CFH: variants seen among roughly 807,000 people sequenced by gnomAD.
The protein encoded by CFH is complement factor H.
A neutral mutation model predicts 147.3 loss-of-function variants in CFH; 53 were observed. That is an observed-to-expected ratio of 0.36 (90% CI 0.29 to 0.45). The LOEUF (loss-of-function observed/expected upper bound fraction) is 0.45. CFH is among the 20% of genes least tolerant of loss of function. The pLI, the probability that CFH is intolerant of heterozygous loss-of-function variation, is 1.00. For missense variants in CFH, 1,380 were observed against 1,498.0 expected (o/e 0.92, Z 1.30); for synonymous variants, 536 against 489.4 (o/e 1.10, Z -1.26).
intron 11 of CFH, 25 bp downstream of exon 11, chr1:196,715,794 C>T: frequency 6.4e-7 from 1 of 1,566,454 alleles, no homozygotes; most frequent in Non-Finnish European, 8.7e-7. Flanking sequence ...TTCAGAAATT[C>T]ATTTTCAAAA....
intron 17 of CFH, 55 bp from the exon 18 acceptor site, chr1:196,740,564 A>G: frequency 1.3e-6 from 2 of 1,516,984 alleles, no homozygotes; most frequent in Non-Finnish European, 1.8e-6. Context: ...TAAAACAGGC[A>G]TATAAAATTA....
intron 15 of CFH, among the ~76,000 whole-genome samples, chr1:196,736,598 A>C (rs2149113003): frequency 6.6e-6 from 1 of 152,072 alleles, no homozygotes; most frequent in African/African-American, 2.4e-5. Flanking sequence ...ATGAGAATAC[A>C]AGCCAAAAGT....
At chr1:196,722,526 G>A (rs753249936) in intron 11 of CFH, among the ~76,000 whole-genome samples, 48 of 151,832 alleles carry the variant, frequency 3.2e-4, no homozygotes, top group Non-Finnish European at 3.5e-4. Flanking sequence ...AATTTTTCCC[G>A]TTCACATTGA....
intron 5 of CFH, 56 bp from the exon 6 acceptor site, chr1:196,679,567 G>T: frequency 7.7e-7 from 1 of 1,291,832 alleles, no homozygotes; most frequent in South Asian, 1.2e-5. Flanking sequence ...ATTATGTCCT[G>T]GTCACAGTCC....
intron 15 of CFH, among the ~76,000 whole-genome samples, chr1:196,733,766 T>C (rs1043115747): frequency 6.6e-6 from 1 of 152,082 alleles, no homozygotes; most frequent in Admixed American, 6.6e-5. Flanking sequence ...GTGATTAATG[T>C]ACCTGGATGT....
intron 1 of CFH, among the ~76,000 whole-genome samples, chr1:196,661,814 CCTAT>C (rs1420352312): frequency 1.3e-5 from 2 of 152,164 alleles, no homozygotes; most frequent in Non-Finnish European, 1.5e-5. Flanking sequence ...TAGAAGATTA[CCTAT>C]CTATCAGTCA....
At chr1:196,713,395 C>A (rs1668770519) in intron 9 of CFH, among the ~76,000 whole-genome samples, 1 of 152,120 alleles carries the variant, frequency 6.6e-6, no homozygotes, top group Admixed American at 6.6e-5. Context: ...CTACAATAGG[C>A]AAGATTAAAA....
At chr1:196,682,799 T>C (rs1667700664) in intron 6 of CFH, among the ~76,000 whole-genome samples, 1 of 151,614 alleles carries the variant, frequency 6.6e-6, no homozygotes, top group Non-Finnish European at 1.5e-5. Flanking sequence ...GTATATTAAG[T>C]CACATACATA....
rs762601533 is a variant in CFH, at chr1:196,743,597, T to C, written c.3279T>C (p.Asn1093=). Residue 1093 remains asparagine, a synonymous_variant, in exon 20 of 22, where the codon AAT becomes AAC. Transcript: ENST00000367429. ...MFGDEEVMCL[N]GNWTEPPQCK... ...GGGATGAAGAAGTGATGTGTTTAAA[T>C]GGAAACTGGACGGAACCACCTCAAT... is the stretch of plus-strand genomic sequence containing the variant. The C allele has an allele frequency of 3.7e-6, 6 of 1,614,070 alleles. No homozygotes were observed. The South Asian group carries it at 6.6e-5, about 18-fold the overall frequency.
At position 196,690,152 on chromosome 1, in the gene CFH, C is replaced by G; in HGVS notation, c.1249C>G (p.His417Asp). The G allele has an allele frequency of 6.2e-7, 1 of 1,613,320 alleles. No homozygotes were observed. The highest frequency in any genetic ancestry group is 1.1e-5 in the South Asian group (1 of 91,066). The stretch of plus-strand genomic sequence containing the variant: ...GGGTAAATCTATAGACGTTGCCTGC[C>G]ATCCTGGCTACGCTCTTCCAAAAGC... ...VQGKSIDVAC[H>D]PGYALPKAQT... is the part of the protein sequence containing the mutation. Residue 417 changes from histidine to aspartate, a missense_variant, in exon 9 of 22, where the codon CAT (histidine) becomes GAT (aspartate). His to Asp is a moderately conservative substitution (Grantham distance 81). This residue lies in a region of CFH where 830 missense variants were observed against 821.4 expected (regional missense o/e 1.01). Coordinates refer to ENST00000367429, the MANE Select transcript of CFH (RefSeq NM_000186.4).
rs928296341 is a variant in CFH, at chr1:196,672,989, C to G, written c.70C>G (p.Leu24Val). 19 of 1,613,708 alleles carry G rather than the reference C, an allele frequency of 1.2e-5. No homozygotes were observed. The highest frequency in any genetic ancestry group is 1.5e-5 in the Non-Finnish European group (18 of 1,179,858). ...TTTATTGTTTGTAGATTGCAATGAA[C>G]TTCCTCCAAGAAGAAATACAGAAAT... is the stretch of plus-strand genomic sequence containing the variant. Reference protein sequence around the residue: ...AICVAEDCNELPPRRNTEILT... With the variant: ...AICVAEDCNEVPPRRNTEILT... Residue 24 changes from leucine (L) to valine (V), a missense_variant, in exon 2 of 22, where the codon CTT becomes GTT. By Grantham distance (32) the Leu-to-Val change is conservative. Around this residue, in one of 4 missense-constraint regions of CFH, gnomAD observed 260 missense variants for 263.3 expected, o/e 0.99. Transcript: ENST00000367429.
chr1:196,707,310 C>T (rs141708082), intron 9 of CFH, among the ~76,000 whole-genome samples: 97 of 152,244 alleles, frequency 6.4e-4, no homozygotes, highest in African/African-American at 2.0e-3. Flanking sequence ...ATCATTCTTC[C>T]GTTACCTTCT....
In CFH at chr1:196,673,124, G is replaced by C. The variant is rs760619101; in HGVS notation, c.205G>C (p.Gly69Arg). 4.3e-6 allele frequency: 7 copies of C among 1,613,698 alleles called. No individual in the cohort carries two copies. The highest frequency in any genetic ancestry group is 5.9e-6 in the Non-Finnish European group (7 of 1,179,844). ...LGNVIMVCRKGEWVALNPLRK... is the reference protein window; with the variant it reads ...LGNVIMVCRKREWVALNPLRK... ...AAATGTAATAATGGTATGCAGGAAG[G>C]GAGAATGGGTTGCTCTTAATCCATT... Residue 69 changes from glycine (G) to arginine (R), a missense_variant, in exon 2 of 22, where the codon GGA (glycine) becomes CGA (arginine). Transcript: ENST00000367429.
chr1:196,718,142 A>G (rs945355063), intron 11 of CFH, among the ~76,000 whole-genome samples: 5 of 152,146 alleles, frequency 3.3e-5, no homozygotes, highest in Non-Finnish European at 7.4e-5. Flanking sequence ...AACACCTATC[A>G]TAGGACAGGA....
rs141093378 is a variant in CFH, at chr1:196,734,426, T to C, written c.2414-2398T>C. On this transcript the variant is annotated intron_variant, in intron 15 of 21. Transcript: ENST00000367429. ...CCCCAGGAAACTAGAGTATTGCAGG[T>C]ATCGTTAAGTGCTCCTACACAAGCA... 5.8e-4 allele frequency among the ~76,000 whole-genome samples: 88 copies of C among 152,110 alleles called. No individual in the cohort carries two copies. In the Middle Eastern group the frequency reaches 0.017, roughly 29 times the overall value.
At chr1:196,734,175 G>T (rs1669344650) in intron 15 of CFH, among the ~76,000 whole-genome samples, 2 of 152,076 alleles carry the variant, frequency 1.3e-5, no homozygotes. Context: ...GAACAAGGCT[G>T]GGGTCCATGC....
chr1:196,697,229 T>A (rs1668304290), intron 9 of CFH, among the ~76,000 whole-genome samples: 1 of 151,948 alleles, frequency 6.6e-6, no homozygotes, highest in Non-Finnish European at 1.5e-5. Context: ...ACCTACAGAA[T>A]GGGAGAAAAT....
chr1:196,654,036 C>T (rs1254605032), intron 1 of CFH, among the ~76,000 whole-genome samples: 2 of 152,058 alleles, frequency 1.3e-5, no homozygotes, highest in African/African-American at 4.8e-5. Context: ...TTCGAGATGT[C>T]CATCAGTTCT....
At chr1:196,732,165 T>A (rs1259769721) in intron 15 of CFH, among the ~76,000 whole-genome samples, 2 of 152,066 alleles carry the variant, frequency 1.3e-5, no homozygotes, top group African/African-American at 4.8e-5. Flanking sequence ...TTAAGCTATC[T>A]TCACTTTTAT....
Sources: gnomAD v4.1 joint callset for allele counts (sites outside exome capture counted in the v4.1 genomes callset) on GRCh38, gnomAD v4.1.1 for gene constraint, gnomAD v4.1.1 regional missense constraint, MANE v1.5 for transcripts, NCBI Gene and HGNC (gene_info 2026-07-23, HGNC 2026-07-21) for gene names.